ESRRG: variants seen among roughly 807,000 people sequenced by gnomAD.
ESRRG encodes estrogen related receptor gamma, also known as estrogen-related receptor gamma.
A neutral mutation model predicts 44.0 loss-of-function variants in ESRRG; 13 were observed. The observed-to-expected ratio is 0.30, with a 90% CI of 0.19 to 0.47. ESRRG has a LOEUF of 0.47. Among genes scored for constraint, ESRRG ranks in the 20% least tolerant of loss-of-function variants. The pLI is 1.00. For missense variants in ESRRG, 395 were observed against 580.6 expected, an observed-to-expected ratio of 0.68 and a Z score of 3.29; for synonymous variants, 215 against 214.6, an observed-to-expected ratio of 1.00 and a Z score of -0.02.
chr1:216,611,815 T>G (rs2060715739), intron 3 of ESRRG, among the ~76,000 whole-genome samples: 1 of 152,098 alleles, frequency 6.6e-6, no homozygotes, highest in South Asian at 2.1e-4. Context: ...TCCTGAGGAT[T>G]CACAAAATAG....
rs1571893037 is a variant in ESRRG, at chr1:216,507,129, T to C, written c.1187A>G (p.His396Arg). 1 of 1,613,626 alleles carries C rather than the reference T, an allele frequency of 6.2e-7. No homozygotes were observed. The highest frequency in any genetic ancestry group is 8.5e-7 in the Non-Finnish European group (1 of 1,179,810). ...AGCTTCATAATCCTGCAGCGCTTCA[T>C]GTAAGACATCCTGAAGCTTCTGAAC... ...EAVQKLQDVL[H>R]EALQDYEAGQ... The change falls in exon 7 of 7, where the codon CAT becomes CGT. Residue 396 changes from histidine to arginine, a missense_variant. By Grantham distance (29) the His-to-Arg change is conservative. This residue lies in a region of ESRRG where 167 missense variants were observed against 251.8 expected (regional missense o/e 0.66). Transcript: ENST00000408911.
intron 2 of ESRRG, among the ~76,000 whole-genome samples, chr1:216,922,043 G>A (rs111833938): frequency 2.6e-5 from 4 of 152,240 alleles, no homozygotes; most frequent in African/African-American, 9.6e-5. Flanking sequence ...ATAACACCGC[G>A]GTTACCACCA....
At chr1:216,605,571 A>G (rs551056556) in intron 3 of ESRRG, among the ~76,000 whole-genome samples, 2 of 152,292 alleles carry the variant, frequency 1.3e-5, no homozygotes, top group Non-Finnish European at 2.9e-5. Flanking sequence ...ATATGTGTCT[A>G]TGTATACTGT....
chr1:216,773,413 T>C (rs2093462329), intron 2 of ESRRG, among the ~76,000 whole-genome samples: 1 of 152,136 alleles, frequency 6.6e-6, no homozygotes, highest in Admixed American at 6.6e-5. Context: ...GGTATCTTAC[T>C]TAGGGAATTT....
chr1:217,103,402 T>G (rs774854700), intron 1 of ESRRG, among the ~76,000 whole-genome samples: 1 of 151,762 alleles, frequency 6.6e-6, no homozygotes, highest in Non-Finnish European at 1.5e-5. Flanking sequence ...TCCCAGCACT[T>G]TGGGAGGCCA....
chr1:217,003,088 G>C (rs542881954), intron 1 of ESRRG, among the ~76,000 whole-genome samples: 2 of 152,222 alleles, frequency 1.3e-5, no homozygotes, highest in South Asian at 4.1e-4. Context: ...ATATGCTTTT[G>C]AATTTCTGAA....
At chr1:216,738,039 T>C (rs946474) in intron 2 of ESRRG, among the ~76,000 whole-genome samples, 81,974 of 145,462 alleles carry the variant, frequency 0.56, 23,429 homozygotes, top group East Asian at 0.74. Flanking sequence ...ACCCCAAAGC[T>C]CAACAGTGAT....
intron 2 of ESRRG, among the ~76,000 whole-genome samples, chr1:216,866,789 G>A (rs996223979): frequency 2.0e-5 from 3 of 151,824 alleles, no homozygotes; most frequent in South Asian, 2.1e-4. Context: ...CTTCCTCCAC[G>A]TGGCCTTTCT....
chr1:217,127,251 T>C (rs555047887), intron 1 of ESRRG, among the ~76,000 whole-genome samples: 6 of 152,348 alleles, frequency 3.9e-5, no homozygotes, highest in African/African-American at 1.2e-4. Flanking sequence ...TTTCTATGTT[T>C]ATTATTGCCT....
chr1:216,804,061 G>C (rs962199524), intron 2 of ESRRG, among the ~76,000 whole-genome samples: 6 of 151,912 alleles, frequency 3.9e-5, no homozygotes, highest in Non-Finnish European at 8.8e-5. Context: ...CCACCAAATG[G>C]TATACCCTCT....
chr1:216,582,138 G>A (rs962272838), intron 3 of ESRRG, among the ~76,000 whole-genome samples: 3 of 152,114 alleles, frequency 2.0e-5, no homozygotes, highest in African/African-American at 7.2e-5. Context: ...ATGTGATTTT[G>A]TAGGGCTTTA....
At chr1:216,958,531 A>G (rs970700517) in intron 1 of ESRRG, among the ~76,000 whole-genome samples, 1 of 152,136 alleles carries the variant, frequency 6.6e-6, no homozygotes, top group Non-Finnish European at 1.5e-5. Context: ...GATTGTGAAT[A>G]TATTTCCATA....
At chr1:217,124,390 A>G (rs2102510967) in intron 1 of ESRRG, among the ~76,000 whole-genome samples, 1 of 152,342 alleles carries the variant, frequency 6.6e-6, no homozygotes, top group Middle Eastern at 3.4e-3. Flanking sequence ...TAAATCCATG[A>G]GGAAGCATGT....
At chr1:216,673,719 C>T (rs1054938695) in intron 2 of ESRRG, among the ~76,000 whole-genome samples, 2 of 152,176 alleles carry the variant, frequency 1.3e-5, no homozygotes, top group South Asian at 2.1e-4. Flanking sequence ...TGTTTTGAGA[C>T]ATGTATTAGG....
chr1:216,625,817 A>T (rs967809319), intron 3 of ESRRG, among the ~76,000 whole-genome samples: 6 of 152,136 alleles, frequency 3.9e-5, no homozygotes, highest in African/African-American at 1.4e-4. Context: ...TTACTCACTC[A>T]ATTATTTTCA....
At chr1:216,952,526 TC>T (rs1431459896) in intron 1 of ESRRG, among the ~76,000 whole-genome samples, 3 of 152,018 alleles carry the variant, frequency 2.0e-5, no homozygotes, top group Admixed American at 6.6e-5. Flanking sequence ...CATGGCATCC[TC>T]CTGTGGCAAC....
chr1:216,538,594 A>G (rs565601275), intron 5 of ESRRG, among the ~76,000 whole-genome samples: 28 of 152,196 alleles, frequency 1.8e-4, no homozygotes, highest in African/African-American at 6.7e-4. Flanking sequence ...AGAAGCTTGA[A>G]GAGTTTGAGA....
At chr1:217,120,593 C>T (rs925915736) in intron 1 of ESRRG, among the ~76,000 whole-genome samples, 1 of 152,158 alleles carries the variant, frequency 6.6e-6, no homozygotes, top group Non-Finnish European at 1.5e-5. Flanking sequence ...CCTACCTCTC[C>T]TGCCTTATCC....
chr1:217,017,956 C>T (rs150926775), intron 1 of ESRRG, among the ~76,000 whole-genome samples: 3 of 152,248 alleles, frequency 2.0e-5, no homozygotes, highest in East Asian at 3.9e-4. Context: ...TATAAATTGC[C>T]TGCTGTCAGT....
Sources: allele counts gnomAD v4.1 joint callset (sites outside exome capture counted in the v4.1 genomes callset), GRCh38; gene constraint gnomAD v4.1.1; regional missense constraint gnomAD v4.1.1; transcripts MANE v1.5; gene names NCBI Gene and HGNC (gene_info 2026-07-23, HGNC 2026-07-21).